Variants in USO1 observed in about 807,000 individuals in gnomAD.
USO1 encodes USO1 vesicle transport factor.
A neutral mutation model predicts 124.5 loss-of-function variants in USO1; 57 were observed. The observed-to-expected ratio is 0.46, with a 90% CI of 0.37 to 0.57. The LOEUF (loss-of-function observed/expected upper bound fraction) is 0.57. Among genes scored for constraint, USO1 ranks in the 20% least tolerant of loss-of-function variants. The pLI is 0.00. For synonymous variants in USO1, 369 were observed against 362.8 expected, an observed-to-expected ratio of 1.02 and a Z score of -0.19; for missense variants, 900 against 1,040.6, an observed-to-expected ratio of 0.86 and a Z score of 1.86.
chr4:75,786,986 G>A, intron 9 of USO1, 76 bp from the exon 10 acceptor site: 2 of 1,432,422 alleles, frequency 1.4e-6, no homozygotes, highest in Non-Finnish European at 1.8e-6. Flanking sequence ...AGACTTTCTT[G>A]TTCACATAGA....
chr4:75,801,120 A>G lies in USO1; in HGVS notation c.1906A>G (p.Lys636Glu). 2 of 1,603,816 alleles carry G rather than the reference A, an allele frequency of 1.2e-6. No individual in the cohort carries two copies. Among genetic ancestry groups the G allele is most frequent in the Non-Finnish European group, 8.5e-7 (1 of 1,174,730 alleles). The change falls in exon 17 of 24, where the codon AAA (lysine) becomes GAA (glutamate). Residue 636 changes from lysine (K) to glutamate (E), a missense_variant. Lys to Glu is a moderately conservative substitution (Grantham distance 56, BLOSUM62 1). Coordinates refer to ENST00000514213, the MANE Select transcript of USO1 (RefSeq NM_003715.4). The part of the protein sequence containing the change: ...KAIYKSSEED[K>E]KEEEVKKTLE... ...TATTTATAAGTCCAGTGAAGAAGATAAAAAAGAAGAAGAGGTGAAAAAAAC... is the reference window on the plus strand; with the variant it reads ...TATTTATAAGTCCAGTGAAGAAGATGAAAAAGAAGAAGAGGTGAAAAAAAC...
At chr4:75,782,654 G>A (rs759321707) in intron 8 of USO1, 26 bp from the exon 9 acceptor site, 19 of 1,526,136 alleles carry the variant, frequency 1.2e-5, no homozygotes, top group East Asian at 2.4e-5. Flanking sequence ...GAGCCTTAAC[G>A]CTTGTGTTTT....
chr4:75,793,060 T>G (rs1375654268), intron 12 of USO1, among the ~76,000 whole-genome samples: 1 of 152,186 alleles, frequency 6.6e-6, no homozygotes, highest in Non-Finnish European at 1.5e-5. Context: ...TTCATCTGTG[T>G]TGTTGTAAAT....
chr4:75,773,702 C>T lies in USO1; in HGVS notation c.556-974C>T, dbSNP rs868118130. 3.9e-5 allele frequency among the ~76,000 whole-genome samples: 6 copies of T among 152,232 alleles called. No homozygotes were observed. In the South Asian group the frequency reaches 6.2e-4, roughly 16 times the overall value. ...GGCAGCATTAAGTGGGAGAATTTGA[C>T]ATCCAAAAATAACTGTTTTCACCTT... is the stretch of plus-strand genomic sequence containing the variant. On this transcript the variant is annotated intron_variant, in intron 7 of 23. Transcript: ENST00000514213.
intron 22 of USO1, among the ~76,000 whole-genome samples, chr4:75,811,403 G>T (rs928011316): frequency 1.3e-5 from 2 of 151,968 alleles, no homozygotes; most frequent in Non-Finnish European, 1.5e-5. Context: ...TGATCTGCCC[G>T]CATTGGCCCC....
At chr4:75,755,721 G>A (rs1287000422) in intron 3 of USO1, among the ~76,000 whole-genome samples, 1 of 152,144 alleles carries the variant, frequency 6.6e-6, no homozygotes, top group Admixed American at 6.6e-5. Context: ...GTAGGTAACT[G>A]TGGTAGACAG....
intron 1 of USO1, among the ~76,000 whole-genome samples, chr4:75,742,899 GTCT>G (rs1208974859): frequency 2.0e-5 from 3 of 152,072 alleles, no homozygotes; most frequent in Middle Eastern, 3.4e-3. Flanking sequence ...ACTACTAATC[GTCT>G]TCTTTGGTCG....
At chr4:75,738,081 C>G (rs1183216955) in intron 1 of USO1, among the ~76,000 whole-genome samples, 1 of 151,564 alleles carries the variant, frequency 6.6e-6, no homozygotes, top group Admixed American at 6.6e-5. Context: ...GATCTGCCTG[C>G]CTTGGCCTCC....
intron 1 of USO1, among the ~76,000 whole-genome samples, chr4:75,746,160 C>T (rs1262546428): frequency 6.6e-6 from 1 of 152,154 alleles, no homozygotes; most frequent in East Asian, 1.9e-4. Context: ...TTGTTAAAGG[C>T]ACCTAATAAC....
Position 75,724,793 on chromosome 4 carries a change from C to T in USO1, c.-27C>T, listed in dbSNP as rs775301099. On this transcript the variant is annotated 5_prime_UTR_variant, in exon 1 of 24. Transcript: ENST00000514213. ...TGTCTTCTTTTTTTTCCGGAGGGGCCGGTAAACCTGGTGGCTGAACGGCAA... is the reference window on the plus strand; with the variant it reads ...TGTCTTCTTTTTTTTCCGGAGGGGCTGGTAAACCTGGTGGCTGAACGGCAA... 1 of 1,613,040 alleles carries T rather than the reference C, an allele frequency of 6.2e-7. No homozygotes were observed. Among genetic ancestry groups the T allele is most frequent in the African/African-American group, 1.3e-5 (1 of 74,968 alleles).
At chr4:75,760,706 AAAT>A in intron 4 of USO1, 1 of 394,448 alleles carries the variant, frequency 2.5e-6, no homozygotes, top group Non-Finnish European at 4.5e-6. Context: ...GGTAAAAAAA[AAAT>A]CTGAAATTTG....
intron 18 of USO1, chr4:75,804,935 C>G (rs546658269): frequency 1.5e-3 from 757 of 512,598 alleles, no homozygotes; most frequent in Non-Finnish European, 1.8e-3. Flanking sequence ...TTAGTCAAGG[C>G]TGTGCTGTTT....
chr4:75,785,225 A>C (rs1028976073), intron 9 of USO1, among the ~76,000 whole-genome samples: 1 of 152,164 alleles, frequency 6.6e-6, no homozygotes, highest in African/African-American at 2.4e-5. Flanking sequence ...ATTCATCATC[A>C]CAGTTATCAT....
intron 1 of USO1, among the ~76,000 whole-genome samples, chr4:75,730,529 A>G (rs1281750447): frequency 1.3e-5 from 2 of 152,090 alleles, no homozygotes; most frequent in African/African-American, 2.4e-5. Flanking sequence ...CCAAGAGGAT[A>G]TATAATTCTG....
intron 4 of USO1, among the ~76,000 whole-genome samples, chr4:75,761,582 T>G (rs1247420122): frequency 6.6e-6 from 1 of 152,248 alleles, no homozygotes; most frequent in East Asian, 1.9e-4. Flanking sequence ...GATGTTTTAG[T>G]TACTGACATT....
intron 4 of USO1, among the ~76,000 whole-genome samples, chr4:75,769,718 T>C (rs1721867425): frequency 6.7e-6 from 1 of 150,348 alleles, no homozygotes; most frequent in Non-Finnish European, 1.5e-5. Context: ...CTTTGGCAGT[T>C]GTTGCTTTCA....
chr4:75,768,150 G>A (rs537684504), intron 4 of USO1, among the ~76,000 whole-genome samples: 5 of 152,202 alleles, frequency 3.3e-5, no homozygotes, highest in Admixed American at 2.0e-4. Flanking sequence ...CCGAGTAGCT[G>A]GGACTACAGG....
chr4:75,799,653 T>C lies in USO1; in HGVS notation c.1484T>C (p.Leu495Ser), dbSNP rs1160785517. Residue 495 changes from leucine to serine, a missense_variant, in exon 14 of 24, where the codon TTA becomes TCA. Transcript: ENST00000514213. ...AAAATACAAACAAGAGTTGGATTATTAATGTTGCTTTGTACCTGGCTAAGC... is the reference window on the plus strand; with the variant it reads ...AAAATACAAACAAGAGTTGGATTATCAATGTTGCTTTGTACCTGGCTAAGC... Reference protein sequence around the residue: ...GSKIQTRVGLLMLLCTWLSNC... With the variant: ...GSKIQTRVGLSMLLCTWLSNC... 7 of 1,613,636 alleles carry C rather than the reference T, an allele frequency of 4.3e-6. No individual in the cohort carries two copies. Among genetic ancestry groups the C allele is most frequent in the Non-Finnish European group, 5.9e-6 (7 of 1,179,784 alleles).
At position 75,756,764 on chromosome 4, in the gene USO1, C is replaced by T. The variant is rs187632347; in HGVS notation, c.219-733C>T. Among the ~76,000 whole-genome samples, 866 of 152,044 alleles carry T rather than the reference C, an allele frequency of 5.7e-3. 16 individuals are homozygous for T. The highest frequency in any genetic ancestry group is 0.02 in the African/African-American group (810 of 41,486). ...CCAACTTCAGGTGATCCACCTGCCT[C>T]AGCCTCCCAAAGTGCTGGGATTACA... is the stretch of plus-strand genomic sequence containing the variant. On this transcript the variant is annotated intron_variant, in intron 3 of 23. Coordinates refer to ENST00000514213, the MANE Select transcript of USO1 (RefSeq NM_003715.4).
Sources: gnomAD v4.1 joint callset for allele counts (sites outside exome capture counted in the v4.1 genomes callset) on GRCh38, gnomAD v4.1.1 for gene constraint, MANE v1.5 for transcripts, NCBI Gene and HGNC (gene_info 2026-07-23, HGNC 2026-07-21) for gene names.